PTPRQ: variants seen among roughly 807,000 people sequenced by gnomAD.
PTPRQ encodes the protein phosphatidylinositol phosphatase PTPRQ.
Under a neutral mutation model 246.0 loss-of-function variants are expected in PTPRQ, and 199 were observed. That is an observed-to-expected ratio of 0.81 (90% CI 0.72 to 0.91). The LOEUF is 0.91. Ranked by LOEUF, PTPRQ falls within the 40% of genes least tolerant of loss-of-function variation. The probability of loss-of-function intolerance (pLI) is 0.00; values close to 1 mark genes in which losing one functional copy is unlikely to be tolerated. For synonymous variants in PTPRQ, 869 were observed against 853.2 expected, an observed-to-expected ratio of 1.02 and a Z score of -0.32; for missense variants, 2,624 against 2,528.4, an observed-to-expected ratio of 1.04 and a Z score of -0.81.
intron 25 of PTPRQ, chr12:80,584,331 T>C (rs1897541029): frequency 2.0e-5 from 3 of 152,186 alleles, no homozygotes; most frequent in African/African-American, 7.2e-5. Flanking sequence ...TTTTCTCATT[T>C]ATTTGCCTGT....
At chr12:80,666,564 T>G (rs948019315) in intron 39 of PTPRQ, among the ~76,000 whole-genome samples, 2 of 151,984 alleles carry the variant, frequency 1.3e-5, no homozygotes, top group African/African-American at 4.8e-5. Context: ...GAATTTGATG[T>G]TCCCAACATA....
intron 3 of PTPRQ, among the ~76,000 whole-genome samples, chr12:80,451,015 T>A (rs1472492658): frequency 1.3e-5 from 2 of 152,210 alleles, no homozygotes; most frequent in African/African-American, 4.8e-5. Context: ...TCCTGGACTC[T>A]TTTTCGTTGG....
intron 25 of PTPRQ, among the ~76,000 whole-genome samples, chr12:80,554,481 C>T (rs1383018049): frequency 1.3e-5 from 2 of 152,146 alleles, no homozygotes; most frequent in African/African-American, 4.8e-5. Context: ...TTATCCAGAG[C>T]TCTTCCAAGC....
In PTPRQ at chr12:80,652,804, G is replaced by T; in HGVS notation, c.6085G>T (p.Ala2029Ser). ...TGATGCTGATCTGCCTTGGAATAGA[G>T]CAAAAAACCGCTTCCCAAACATAAA... ...STDADLPWNR[A>S]KNRFPNIKPY... The change falls in exon 38 of 45, where the codon GCA becomes TCA. Residue 2029 changes from alanine to serine, a missense_variant. By Grantham distance (99) the Ala-to-Ser change is moderately conservative. Coordinates refer to ENST00000644991, the MANE Select transcript of PTPRQ (RefSeq NM_001145026.2). 1 of 1,508,156 alleles carries T rather than the reference G, an allele frequency of 6.6e-7. No homozygotes were observed. The highest frequency in any genetic ancestry group is 8.9e-7 in the Non-Finnish European group (1 of 1,128,802). 93.4% of individuals were successfully genotyped at this position (1,508,156 alleles called of 1,614,324 possible). A position where few individuals can be genotyped will look rare whatever the true frequency, so the allele number is the denominator to read the frequency against.
chr12:80,621,790 T>C (rs1174046885), intron 32 of PTPRQ, among the ~76,000 whole-genome samples: 1 of 151,998 alleles, frequency 6.6e-6, no homozygotes, highest in Non-Finnish European at 1.5e-5. Flanking sequence ...GGTGAGCTGA[T>C]TCAGTTGTTC....
rs377094887 is a variant in PTPRQ at position 80,667,183 on chromosome 12, A to G, written c.6193-1824A>G. 1.6e-4 allele frequency among the ~76,000 whole-genome samples: 24 copies of G among 152,016 alleles called. No homozygotes were observed. The South Asian group carries it at 5.0e-3, about 31-fold the overall frequency. On this transcript the variant is annotated intron_variant, in intron 39 of 44. Transcript: ENST00000644991. The stretch of plus-strand genomic sequence containing the variant: ...ACCTGCTGTTCCTAGAACATTCCTG[A>G]CACCCTTCTCCTTTAAGGTCGTTGG...
chr12:80,482,036 A>G (rs1327295695), intron 8 of PTPRQ, among the ~76,000 whole-genome samples: 2 of 148,198 alleles, frequency 1.3e-5, no homozygotes, highest in Admixed American at 6.8e-5. Context: ...TTTAAAGTTC[A>G]TATGGAACCA....
At chr12:80,644,470 T>G (rs753865387) in intron 35 of PTPRQ, among the ~76,000 whole-genome samples, 3 of 141,238 alleles carry the variant, frequency 2.1e-5, no homozygotes, top group Non-Finnish European at 4.4e-5. Flanking sequence ...CATTTAACAG[T>G]TTTTTTTTAA....
intron 27 of PTPRQ, among the ~76,000 whole-genome samples, chr12:80,609,301 T>C (rs1156863862): frequency 2.7e-5 from 4 of 150,648 alleles, no homozygotes; most frequent in African/African-American, 9.7e-5. Context: ...ATATTATCAA[T>C]AAAATATGTT....
intron 28 of PTPRQ, among the ~76,000 whole-genome samples, chr12:80,611,141 A>G (rs1375441220): frequency 6.6e-6 from 1 of 150,466 alleles, no homozygotes; most frequent in African/African-American, 2.4e-5. Context: ...TAACTCTTTG[A>G]TAAATGTCAG....
intron 26 of PTPRQ, among the ~76,000 whole-genome samples, chr12:80,602,606 G>A (rs1019770736): frequency 5.9e-5 from 9 of 151,724 alleles, no homozygotes; most frequent in African/African-American, 1.7e-4. Flanking sequence ...AGTGAAGCCT[G>A]TCTTATAAGG....
intron 17 of PTPRQ, among the ~76,000 whole-genome samples, chr12:80,513,761 G>A (rs1895195620): frequency 6.6e-6 from 1 of 152,072 alleles, no homozygotes; most frequent in Admixed American, 6.5e-5. Flanking sequence ...ACGGCTTCCA[G>A]TTTCAAGGTT....
At chr12:80,550,452 G>T (rs533490050) in intron 25 of PTPRQ, among the ~76,000 whole-genome samples, 2 of 152,230 alleles carry the variant, frequency 1.3e-5, no homozygotes, top group South Asian at 4.1e-4. Flanking sequence ...AGAACATCAA[G>T]ACATAGTCTG....
chr12:80,526,093 C>G (rs936073320), intron 17 of PTPRQ: 1 of 152,136 alleles, frequency 6.6e-6, no homozygotes, highest in South Asian at 2.1e-4. Context: ...TTAATTTAAC[C>G]TCTCTAATGC....
intron 8 of PTPRQ, among the ~76,000 whole-genome samples, chr12:80,483,534 G>GA (rs1291998095): frequency 1.3e-5 from 2 of 151,126 alleles, no homozygotes; most frequent in African/African-American, 4.9e-5. Flanking sequence ...AATAATAAAA[G>GA]AAAAAAAAGA....
chr12:80,618,620 T>G (rs541030849), intron 30 of PTPRQ, among the ~76,000 whole-genome samples: 172 of 151,596 alleles, frequency 1.1e-3, no homozygotes, highest in African/African-American at 4.1e-3. Flanking sequence ...TAAAGCTCAT[T>G]GTAAAACAAA....
At chr12:80,568,898 A>AT in intron 25 of PTPRQ, among the ~76,000 whole-genome samples, 1 of 152,268 alleles carries the variant, frequency 6.6e-6, no homozygotes, top group East Asian at 1.9e-4. Flanking sequence ...ATATTATAAA[A>AT]TTTTTCATAC....
At chr12:80,651,808 G>A (rs538612324) in intron 37 of PTPRQ, among the ~76,000 whole-genome samples, 3 of 151,850 alleles carry the variant, frequency 2.0e-5, no homozygotes, top group East Asian at 1.9e-4. Context: ...TCCTTATTGG[G>A]TTAAAAAAAT....
At chr12:80,654,603 G>A (rs1592763209) in intron 38 of PTPRQ, among the ~76,000 whole-genome samples, 2 of 151,214 alleles carry the variant, frequency 1.3e-5, no homozygotes, top group African/African-American at 2.4e-5. Context: ...ATCCCAGCAC[G>A]TTGGGAGGCT....
Sources: gnomAD v4.1 joint callset for allele counts (sites outside exome capture counted in the v4.1 genomes callset) on GRCh38, gnomAD v4.1.1 for gene constraint, MANE v1.5 for transcripts, NCBI Gene and HGNC (gene_info 2026-07-23, HGNC 2026-07-21) for gene names.